Variants in STAM observed in about 807,000 individuals in gnomAD.
The protein encoded by STAM is signal transducing adapter molecule 1.
STAM carries 16 observed loss-of-function variants against 63.4 expected under a neutral mutation model. The ratio of observed to expected loss-of-function variants is 0.25; its 90% CI spans 0.17 to 0.38. STAM has a LOEUF of 0.38. Among genes scored for constraint, STAM ranks in the 10% least tolerant of loss-of-function variants. The pLI is 1.00. For missense variants in STAM, 636 were observed against 657.1 expected (o/e 0.97, Z 0.35); for synonymous variants, 238 against 223.9 (o/e 1.06, Z -0.56).
chr10:17,714,662 G>T lies in STAM; in HGVS notation c.1505G>T (p.Gly502Val), dbSNP rs1836727504. 8 of 1,613,902 alleles carry T rather than the reference G, an allele frequency of 5.0e-6. No homozygotes were observed. Among genetic ancestry groups the T allele is most frequent in the African/African-American group, 1.3e-5 (1 of 74,852 alleles). Residue 502 changes from glycine (G) to valine (V), a missense_variant, in exon 14 of 14, where the codon GGA becomes GTA. Around this residue, in one of 3 missense-constraint regions of STAM, gnomAD observed 532 missense variants for 536.9 expected, o/e 0.99. Coordinates refer to ENST00000377524, the MANE Select transcript of STAM (RefSeq NM_003473.4). ...GATGTCACTCTGTACCAGAATGCAG[G>T]ACCTAATATGCCCCAGGTGCCAAAC... ...TADVTLYQNA[G>V]PNMPQVPNYN...
In STAM at chr10:17,695,236, T is replaced by C; in HGVS notation, c.723T>C (p.Asp241=). ...CTGGAGAAATTATTACAGTTCTTGA[T>C]GACAGGTAATGTTAATATTACATTT... ...FKAGEIITVL[D]DSDPNWWKGE... is the part of the protein sequence containing the mutation. Residue 241 remains aspartate, a synonymous_variant, in exon 7 of 14, where the codon GAT becomes GAC. Transcript: ENST00000377524. The C allele has an allele frequency of 2.5e-6, 4 of 1,612,944 alleles. No homozygotes were observed. In the South Asian group the frequency reaches 3.3e-5, roughly 13 times the overall value.
chr10:17,653,923 A>T (rs1833839214), intron 1 of STAM, among the ~76,000 whole-genome samples: 1 of 152,164 alleles, frequency 6.6e-6, no homozygotes, highest in African/African-American at 2.4e-5. Flanking sequence ...TCTAATTGTA[A>T]GTATAGTACT....
At chr10:17,678,621 T>C (rs1174270837) in intron 2 of STAM, among the ~76,000 whole-genome samples, 1 of 152,218 alleles carries the variant, frequency 6.6e-6, no homozygotes, top group Non-Finnish European at 1.5e-5. Context: ...TTTATTTTGG[T>C]AAAATATATT....
At chr10:17,684,621 C>A in intron 2 of STAM, 54 bp from the exon 3 acceptor site, 1 of 1,431,356 alleles carries the variant, frequency 7.0e-7, no homozygotes. Flanking sequence ...AGTTAAGGGG[C>A]AGGGGGAAGC....
intron 2 of STAM, among the ~76,000 whole-genome samples, chr10:17,680,603 C>T (rs777281170): frequency 6.6e-6 from 1 of 151,970 alleles, no homozygotes. Context: ...GACAGGGTCC[C>T]ACTATATTGC....
At chr10:17,682,277 G>C (rs1589068675) in intron 2 of STAM, among the ~76,000 whole-genome samples, 1 of 152,156 alleles carries the variant, frequency 6.6e-6, no homozygotes, top group African/African-American at 2.4e-5. Context: ...GTGTTTCTAA[G>C]ATGAATTCAA....
intron 13 of STAM, among the ~76,000 whole-genome samples, chr10:17,709,783 T>C (rs1836472215): frequency 1.3e-5 from 2 of 150,630 alleles, no homozygotes; most frequent in South Asian, 2.1e-4. Flanking sequence ...GCACTACTCA[T>C]CCTCAAAGAG....
chr10:17,711,385 A>G (rs1250377978), intron 13 of STAM, among the ~76,000 whole-genome samples: 2 of 152,204 alleles, frequency 1.3e-5, no homozygotes, highest in African/African-American at 4.8e-5. Flanking sequence ...CTCTGATTTT[A>G]GTTTACTACA....
At position 17,677,849 on chromosome 10, in the gene STAM, A is replaced by G. The variant is rs114532466; in HGVS notation, c.126-6826A>G. On this transcript the variant is annotated intron_variant, in intron 2 of 13. Coordinates refer to ENST00000377524, the MANE Select transcript of STAM (RefSeq NM_003473.4). ...CTACCTTGTATCCTAATTTTTCTAT[A>G]TAATTATTAAAAAGGATTTTTTTGT... Among the ~76,000 whole-genome samples, 808 of 152,272 alleles carry G rather than the reference A, an allele frequency of 5.3e-3. 13 individuals carry two copies. The highest frequency in any genetic ancestry group is 0.019 in the African/African-American group (777 of 41,548).
chr10:17,716,239 C>T lies in STAM; in HGVS notation c.*1459C>T, dbSNP rs1836810093. Reference sequence around the variant, plus strand: ...TAAATGAAAATTTCATTTTTATTTTCTAAGACTGTTGTAATCAGGTAGCTT... The same window carrying T: ...TAAATGAAAATTTCATTTTTATTTTTTAAGACTGTTGTAATCAGGTAGCTT... On this transcript the variant is annotated 3_prime_UTR_variant, in exon 14 of 14. Transcript: ENST00000377524. 6.6e-6 allele frequency among the ~76,000 whole-genome samples: 1 copy of T among 151,898 alleles called. No individual in the cohort carries two copies. Among genetic ancestry groups the T allele is most frequent in the Admixed American group, 6.6e-5 (1 of 15,260 alleles).
chr10:17,705,835 A>G, intron 12 of STAM, 94 bp downstream of exon 12: 2 of 1,230,182 alleles, frequency 1.6e-6, no homozygotes, highest in Non-Finnish European at 2.3e-6. Flanking sequence ...TGGGAGGCCA[A>G]GGCAAGAGGA....
At chr10:17,671,352 C>T (rs1346656542) in intron 2 of STAM, among the ~76,000 whole-genome samples, 2 of 152,194 alleles carry the variant, frequency 1.3e-5, no homozygotes, top group African/African-American at 4.8e-5. Context: ...CATTTTTGTG[C>T]TTTCAAGAAC....
intron 10 of STAM, 97 bp from the exon 11 acceptor site, chr10:17,704,873 T>C: frequency 9.3e-7 from 1 of 1,070,398 alleles, no homozygotes; most frequent in East Asian, 2.6e-5. Flanking sequence ...TACTCCAAAT[T>C]AAATCTTTTA....
At chr10:17,697,401 C>T (rs1368559718) in intron 8 of STAM, among the ~76,000 whole-genome samples, 4 of 152,194 alleles carry the variant, frequency 2.6e-5, no homozygotes, top group African/African-American at 4.8e-5. Context: ...GGGACCGTTT[C>T]TCTAGTGTGT....
chr10:17,698,435 A>G (rs1466297046), intron 8 of STAM, among the ~76,000 whole-genome samples: 12 of 145,636 alleles, frequency 8.2e-5, no homozygotes, highest in African/African-American at 3.0e-4. Flanking sequence ...TTTTTTTTTT[A>G]AGTCATATAG....
At chr10:17,661,158 C>T (rs1834150741) in intron 2 of STAM, among the ~76,000 whole-genome samples, 1 of 152,192 alleles carries the variant, frequency 6.6e-6, no homozygotes, top group South Asian at 2.1e-4. Context: ...GCTTTCCAAA[C>T]AGTACAGTAA....
chr10:17,684,990 T>G, intron 4 of STAM, 63 bp downstream of exon 4: 1 of 1,372,344 alleles, frequency 7.3e-7, no homozygotes, highest in Non-Finnish European at 1.0e-6. Context: ...ATTTTATTGT[T>G]TAAATCTTCA....
chr10:17,702,748 G>A (rs112858458), intron 9 of STAM, among the ~76,000 whole-genome samples: 3,306 of 152,168 alleles, frequency 0.022, 125 homozygotes, highest in African/African-American at 0.075. Context: ...AGTGGCTCTC[G>A]CCTGTAATCC....
chr10:17,688,308 A>G, intron 5 of STAM, 135 bp downstream of exon 5: 1 of 807,522 alleles, frequency 1.2e-6, no homozygotes, highest in Non-Finnish European at 1.8e-6. Flanking sequence ...TTGTGTTAGT[A>G]ACTAGTTGTA....
Sources: allele counts gnomAD v4.1 joint callset (sites outside exome capture counted in the v4.1 genomes callset), GRCh38; gene constraint gnomAD v4.1.1; regional missense constraint gnomAD v4.1.1; transcripts MANE v1.5; gene names NCBI Gene and HGNC (gene_info 2026-07-23, HGNC 2026-07-21).